The following MACROD2 variants were observed in gnomAD, a reference collection of about 807,000 sequenced individuals.
The protein encoded by MACROD2 is mono-ADP ribosylhydrolase 2.
Under a neutral mutation model 70.4 loss-of-function variants are expected in MACROD2, and 36 were observed. The observed-to-expected ratio is 0.51, with a 90% confidence interval of 0.39 to 0.68. MACROD2 has a LOEUF of 0.68. MACROD2 is among the 30% of genes least tolerant of loss of function. MACROD2 has a pLI of 0.00. For missense variants in MACROD2, 496 were observed against 538.4 expected, an observed-to-expected ratio of 0.92 and a Z score of 0.78; for synonymous variants, 172 against 178.8, an observed-to-expected ratio of 0.96 and a Z score of 0.30.
intron 3 of MACROD2, among the ~76,000 whole-genome samples, chr20:14,413,594 T>C (rs1262653960): frequency 6.6e-6 from 1 of 152,148 alleles, no homozygotes; most frequent in Admixed American, 6.6e-5. Context: ...GCTCCTAAAA[T>C]TATTTAAAAA....
At chr20:15,269,689 C>T (rs1031285133) in intron 6 of MACROD2, among the ~76,000 whole-genome samples, 3 of 152,068 alleles carry the variant, frequency 2.0e-5, no homozygotes, top group Admixed American at 6.5e-5. Context: ...TACTGAGGAC[C>T]TTTATGTGAC....
chr20:14,053,641 A>G (rs892096315), intron 2 of MACROD2: 23 of 152,088 alleles, frequency 1.5e-4, no homozygotes, highest in Admixed American at 5.9e-4. Context: ...CTCAAAACCA[A>G]CTATTGTGGG....
At chr20:15,573,995 A>G (rs1233757) in intron 8 of MACROD2, among the ~76,000 whole-genome samples, 53,936 of 152,110 alleles carry the variant, frequency 0.35, 10,915 homozygotes, top group African/African-American at 0.57. Flanking sequence ...GACATTTCCA[A>G]TAGTTACACA....
At chr20:14,091,881 G>A (rs895159077) in intron 3 of MACROD2, among the ~76,000 whole-genome samples, 3 of 152,154 alleles carry the variant, frequency 2.0e-5, no homozygotes, top group East Asian at 1.9e-4. Flanking sequence ...TGCTGTTACC[G>A]ATAAAGCTTT....
chr20:14,086,183 GT>G (rs1400953845), intron 3 of MACROD2: 3 of 374,492 alleles, frequency 8.0e-6, no homozygotes, highest in South Asian at 6.5e-5. Flanking sequence ...CAAAACTTAA[GT>G]TGTTAGGGTT....
intron 5 of MACROD2, among the ~76,000 whole-genome samples, chr20:15,015,631 C>T (rs1329537217): frequency 6.6e-6 from 1 of 152,122 alleles, no homozygotes; most frequent in Non-Finnish European, 1.5e-5. Flanking sequence ...TGGAAGAAGG[C>T]AACATGGGTT....
rs539341221 is a variant in MACROD2 at position 14,432,119 on chromosome 20, A to G, written c.272-61360A>G. Among the ~76,000 whole-genome samples the G allele has an allele frequency of 2.1e-4, 32 of 152,296 alleles. No individual in the cohort carries two copies. In the South Asian group the frequency reaches 3.1e-3, roughly 15 times the overall value. On this transcript the variant is annotated intron_variant, in intron 3 of 17. Transcript: ENST00000684519. ...AAATTCAAATTCCTCCTTAGAGCGT[A>G]CAGGGCCTTCTATGATGTGCTCGCC... is the stretch of plus-strand genomic sequence containing the variant.
intron 3 of MACROD2, among the ~76,000 whole-genome samples, chr20:14,389,753 C>A (rs566807016): frequency 6.6e-6 from 1 of 152,110 alleles, no homozygotes; most frequent in Non-Finnish European, 1.5e-5. Flanking sequence ...AAGCATACTT[C>A]AAAATAATAA....
intron 3 of MACROD2, among the ~76,000 whole-genome samples, chr20:14,305,990 C>G (rs980405948): frequency 1.4e-4 from 15 of 107,274 alleles, no homozygotes; most frequent in Admixed American, 1.0e-3. Context: ...CTAACATTCT[C>G]TCTTCTGTCT....
chr20:14,391,741 T>C (rs1316634829), intron 3 of MACROD2, among the ~76,000 whole-genome samples: 1 of 149,616 alleles, frequency 6.7e-6, no homozygotes, highest in Admixed American at 6.7e-5. Flanking sequence ...TATTGCATGT[T>C]CTCACTTGTA....
intron 13 of MACROD2, 68 bp downstream of exon 13, chr20:15,967,698 A>AT: frequency 1.1e-5 from 15 of 1,361,954 alleles, no homozygotes. Context: ...AAAAAAAAAA[A>AT]AAACCCACAG....
At chr20:15,266,289 G>C (rs1420293375) in intron 6 of MACROD2, among the ~76,000 whole-genome samples, 1 of 152,146 alleles carries the variant, frequency 6.6e-6, no homozygotes, top group Non-Finnish European at 1.5e-5. Context: ...GAAGTGAAAA[G>C]ATACAAGTTT....
At chr20:14,114,212 A>G (rs1175690102) in intron 3 of MACROD2, among the ~76,000 whole-genome samples, 2 of 152,178 alleles carry the variant, frequency 1.3e-5, no homozygotes, top group Non-Finnish European at 2.9e-5. Context: ...AAGAAATGCG[A>G]CTTGCCTCTC....
At chr20:14,700,564 A>G (rs1170630150) in intron 5 of MACROD2, among the ~76,000 whole-genome samples, 2 of 151,032 alleles carry the variant, frequency 1.3e-5, no homozygotes, top group Admixed American at 1.3e-4. Context: ...TGTGTAATAG[A>G]TGTGCCAGAT....
intron 5 of MACROD2, among the ~76,000 whole-genome samples, chr20:14,926,813 C>A (rs899727738): frequency 6.6e-6 from 1 of 152,062 alleles, no homozygotes; most frequent in African/African-American, 2.4e-5. Flanking sequence ...TAGTGGGCTG[C>A]AAAAGCAGGG....
chr20:14,392,077 A>G (rs2083533018), intron 3 of MACROD2, among the ~76,000 whole-genome samples: 1 of 151,478 alleles, frequency 6.6e-6, no homozygotes, highest in Non-Finnish European at 1.5e-5. Flanking sequence ...TTTTAATTTC[A>G]TTTGTTATTC....
intron 10 of MACROD2, among the ~76,000 whole-genome samples, chr20:15,928,711 A>G (rs974756445): frequency 3.3e-5 from 5 of 152,238 alleles, no homozygotes; most frequent in Admixed American, 6.5e-5. Context: ...GCAATATTCA[A>G]TAAGTGTTAG....
chr20:14,728,891 T>A (rs899213851), intron 5 of MACROD2, among the ~76,000 whole-genome samples: 4 of 152,126 alleles, frequency 2.6e-5, no homozygotes, highest in African/African-American at 9.7e-5. Flanking sequence ...TGTGTTTGCA[T>A]CCAAGAGATA....
chr20:14,310,761 A>G (rs1236350084), intron 3 of MACROD2, among the ~76,000 whole-genome samples: 1 of 152,196 alleles, frequency 6.6e-6, no homozygotes, highest in African/African-American at 2.4e-5. Flanking sequence ...GAGGTGGAAG[A>G]AAATGATATT....
Sources: allele counts gnomAD v4.1 joint callset (sites outside exome capture counted in the v4.1 genomes callset), GRCh38; gene constraint gnomAD v4.1.1; transcripts MANE v1.5; gene names NCBI Gene and HGNC (gene_info 2026-07-23, HGNC 2026-07-21).